HECW1: variants seen among roughly 807,000 people sequenced by gnomAD.
HECW1 encodes the protein HECT, C2 and WW domain containing E3 ubiquitin protein ligase 1.
A neutral mutation model predicts 182.3 loss-of-function variants in HECW1; 61 were observed. That is an observed-to-expected ratio of 0.33 (90% CI 0.27 to 0.41). The LOEUF is 0.41. Among genes scored for constraint, HECW1 ranks in the 10% least tolerant of loss-of-function variants. The pLI is 1.00. For missense variants in HECW1, 1,739 were observed against 2,108.9 expected (o/e 0.82, Z 3.44); for synonymous variants, 859 against 832.6 (o/e 1.03, Z -0.55).
intron 8 of HECW1, among the ~76,000 whole-genome samples, chr7:43,425,373 G>A (rs980481436): frequency 6.6e-6 from 1 of 151,316 alleles, no homozygotes; most frequent in Non-Finnish European, 1.5e-5. Context: ...ATTCGGTAGG[G>A]TATCTTAATA....
At chr7:43,384,834 T>A (rs537353781) in intron 6 of HECW1, among the ~76,000 whole-genome samples, 53 of 152,302 alleles carry the variant, frequency 3.5e-4, no homozygotes, top group Non-Finnish European at 6.3e-4. Context: ...GCAGACTGTC[T>A]GACCCAGATG....
intron 29 of HECW1, among the ~76,000 whole-genome samples, chr7:43,556,045 C>T (rs1288954141): frequency 6.6e-6 from 1 of 152,184 alleles, no homozygotes; most frequent in Non-Finnish European, 1.5e-5. Flanking sequence ...CCCGTGGGAA[C>T]CTGCAATCTA....
chr7:43,312,951 G>A (rs2152773501), intron 4 of HECW1, among the ~76,000 whole-genome samples: 1 of 152,366 alleles, frequency 6.6e-6, no homozygotes, highest in South Asian at 2.1e-4. Flanking sequence ...TCTGCCTTCA[G>A]TCTGTGCTCT....
At chr7:43,120,912 A>T (rs941245538) in intron 2 of HECW1, among the ~76,000 whole-genome samples, 2 of 152,102 alleles carry the variant, frequency 1.3e-5, no homozygotes, top group Non-Finnish European at 2.9e-5. Context: ...CTGTAATCCC[A>T]AAGTGCTGGG....
chr7:43,468,026 C>T (rs2077858952), intron 15 of HECW1, among the ~76,000 whole-genome samples: 1 of 152,054 alleles, frequency 6.6e-6, no homozygotes, highest in Non-Finnish European at 1.5e-5. Context: ...GTGCAGGTGG[C>T]ACTGGGCCAG....
chr7:43,492,361 T>A (rs1194080748), intron 18 of HECW1, among the ~76,000 whole-genome samples, 181 bp downstream of exon 18: 1 of 152,142 alleles, frequency 6.6e-6, no homozygotes. Flanking sequence ...CCCTCTGTCC[T>A]TTTCCCCTCT....
In HECW1 at chr7:43,346,053, C is replaced by A. The variant is rs182438067; in HGVS notation, c.461-14833C>A. Among the ~76,000 whole-genome samples the A allele has an allele frequency of 2.0e-3, 310 of 152,228 alleles. 1 individual carries two copies. The highest frequency in any genetic ancestry group is 7.1e-3 in the African/African-American group (297 of 41,542). ...TCAAATGGTAGTTCTATTTTTAGTT[C>A]TTTAAGGAATTGCCACACTGTTTTC... On this transcript the variant is annotated intron_variant, in intron 5 of 29. Coordinates refer to ENST00000395891, the MANE Select transcript of HECW1 (RefSeq NM_015052.5).
At chr7:43,457,381 A>T (rs773790550) in intron 13 of HECW1, among the ~76,000 whole-genome samples, 4 of 152,236 alleles carry the variant, frequency 2.6e-5, no homozygotes, top group Non-Finnish European at 5.9e-5. Context: ...AAGAATGAAG[A>T]ACTGGGTTTG....
chr7:43,350,120 G>T (rs953935143), intron 5 of HECW1, among the ~76,000 whole-genome samples: 1 of 152,114 alleles, frequency 6.6e-6, no homozygotes, highest in Non-Finnish European at 1.5e-5. Context: ...CTTCATATAT[G>T]ATGCTTAGTT....
At chr7:43,116,570 G>A (rs1183718159) in intron 2 of HECW1, among the ~76,000 whole-genome samples, 1 of 152,122 alleles carries the variant, frequency 6.6e-6, no homozygotes, top group African/African-American at 2.4e-5. Context: ...GTCTCCCAAT[G>A]GCAGGTTTCT....
chr7:43,135,869 T>G (rs1390450994), intron 2 of HECW1, among the ~76,000 whole-genome samples: 2 of 152,232 alleles, frequency 1.3e-5, no homozygotes, highest in Non-Finnish European at 2.9e-5. Flanking sequence ...TTTAAGTTTT[T>G]TCTAAAATCA....
chr7:43,170,729 C>G (rs1292123507), intron 2 of HECW1, among the ~76,000 whole-genome samples: 1 of 152,048 alleles, frequency 6.6e-6, no homozygotes. Context: ...AGAGTGAGTT[C>G]AGGAAGGACT....
chr7:43,554,834 G>T, intron 29 of HECW1, 44 bp downstream of exon 29: 1 of 1,547,632 alleles, frequency 6.5e-7, no homozygotes, highest in Non-Finnish European at 8.9e-7. Context: ...GCTGAAGAGG[G>T]CAAAGTATAC....
At chr7:43,468,009 G>T (rs1366285797) in intron 15 of HECW1, among the ~76,000 whole-genome samples, 1 of 152,044 alleles carries the variant, frequency 6.6e-6, no homozygotes, top group South Asian at 2.1e-4. Context: ...CCATGCCCCA[G>T]CCCTGGGTGC....
intron 8 of HECW1, among the ~76,000 whole-genome samples, chr7:43,418,660 G>T (rs535457757): frequency 6.6e-5 from 10 of 150,822 alleles, no homozygotes; most frequent in South Asian, 6.3e-4. Context: ...TTGCCATTTG[G>T]TTTTTTTTAA....
chr7:43,164,313 A>G (rs1312840699), intron 2 of HECW1, among the ~76,000 whole-genome samples: 4 of 152,250 alleles, frequency 2.6e-5, no homozygotes, highest in African/African-American at 4.8e-5. Flanking sequence ...ATTACTTTCA[A>G]AAAATTAAAG....
intron 6 of HECW1, among the ~76,000 whole-genome samples, chr7:43,389,024 A>G (rs2074914217): frequency 6.6e-6 from 1 of 152,332 alleles, no homozygotes; most frequent in East Asian, 1.9e-4. Flanking sequence ...GATGCAAAGA[A>G]GCAGGTCATT....
At chr7:43,548,208 A>G (rs1480683409) in intron 26 of HECW1, among the ~76,000 whole-genome samples, 3 of 152,156 alleles carry the variant, frequency 2.0e-5, no homozygotes, top group African/African-American at 7.2e-5. Flanking sequence ...ATAGACTAGT[A>G]TCTACATATA....
chr7:43,446,625 T>A (rs2077064079), intron 11 of HECW1, among the ~76,000 whole-genome samples: 1 of 108,746 alleles, frequency 9.2e-6, no homozygotes, highest in African/African-American at 2.8e-5. Flanking sequence ...TGCCTACAAA[T>A]TTTTTTTTTA....
Sources: gnomAD v4.1 joint callset for allele counts (sites outside exome capture counted in the v4.1 genomes callset) on GRCh38, gnomAD v4.1.1 for gene constraint, MANE v1.5 for transcripts, NCBI Gene and HGNC (gene_info 2026-07-23, HGNC 2026-07-21) for gene names.